Variants in TRIM71 observed in about 807,000 individuals in gnomAD.
TRIM71 encodes the protein E3 ubiquitin-protein ligase TRIM71.
TRIM71 carries 9 observed loss-of-function variants against 61.2 expected under a neutral mutation model. The observed-to-expected ratio is 0.15, with a 90% CI of 0.09 to 0.26. The LOEUF is 0.26. Among genes scored for constraint, TRIM71 ranks in the 10% least tolerant of loss-of-function variants. TRIM71 has a pLI of 1.00. For missense variants in TRIM71, 998 were observed against 1,238.7 expected, an observed-to-expected ratio of 0.81 and a Z score of 2.92; for synonymous variants, 645 against 553.2, an observed-to-expected ratio of 1.17 and a Z score of -2.33.
intron 1 of TRIM71, among the ~76,000 whole-genome samples, chr3:32,864,018 G>A (rs1696703212): frequency 6.6e-6 from 1 of 152,110 alleles, no homozygotes; most frequent in Non-Finnish European, 1.5e-5. Context: ...ATCCTGTTGT[G>A]TGTATGTACC....
chr3:32,876,811 C>G (rs986213506), intron 2 of TRIM71, among the ~76,000 whole-genome samples: 1 of 152,102 alleles, frequency 6.6e-6, no homozygotes, highest in Non-Finnish European at 1.5e-5. Context: ...ACCAACAAAT[C>G]ATGAGTGGTT....
At chr3:32,873,707 A>C (rs991189878) in intron 1 of TRIM71, 111 bp from the exon 2 acceptor site, 1 of 1,045,454 alleles carries the variant, frequency 9.6e-7, no homozygotes, top group Non-Finnish European at 1.3e-6. Context: ...GTGCTTGCTC[A>C]TTGGGGAAGC....
intron 1 of TRIM71, among the ~76,000 whole-genome samples, chr3:32,852,409 G>T (rs1226453354): frequency 6.6e-6 from 1 of 152,154 alleles, no homozygotes; most frequent in Non-Finnish European, 1.5e-5. Flanking sequence ...GCAAAACAGT[G>T]GTTCAAACAA....
chr3:32,879,256 C>T (rs1451600217), intron 2 of TRIM71, among the ~76,000 whole-genome samples: 1 of 152,208 alleles, frequency 6.6e-6, no homozygotes, highest in East Asian at 1.9e-4. Flanking sequence ...AAACTTTCTT[C>T]ATATCAGCAA....
intron 1 of TRIM71, among the ~76,000 whole-genome samples, chr3:32,840,274 A>G (rs1696389235): frequency 6.6e-6 from 1 of 151,412 alleles, no homozygotes; most frequent in African/African-American, 2.4e-5. Flanking sequence ...TCTGATTGGA[A>G]TCTCCCTAGA....
chr3:32,886,168 T>G, intron 3 of TRIM71, 100 bp downstream of exon 3: 1 of 1,397,420 alleles, frequency 7.2e-7, no homozygotes, highest in Non-Finnish European at 9.4e-7. Context: ...AGCCAAGCTC[T>G]AAGTTTAAAA....
At chr3:32,869,725 G>A (rs2125687778) in intron 1 of TRIM71, among the ~76,000 whole-genome samples, 1 of 152,296 alleles carries the variant, frequency 6.6e-6, no homozygotes, top group Admixed American at 6.5e-5. Context: ...CACATTCCTA[G>A]GTCTTTGTCT....
intron 1 of TRIM71, among the ~76,000 whole-genome samples, chr3:32,844,611 T>C (rs2125680011): frequency 6.6e-6 from 1 of 152,268 alleles, no homozygotes; most frequent in Non-Finnish European, 1.5e-5. Context: ...CCACCGAGCC[T>C]GGCCAATCAT....
chr3:32,821,224 A>G (rs916576475), intron 1 of TRIM71, among the ~76,000 whole-genome samples: 5 of 152,214 alleles, frequency 3.3e-5, no homozygotes, highest in South Asian at 2.1e-4. Flanking sequence ...ACTGACCCAT[A>G]TCTGGACTGC....
chr3:32,891,917 C>G lies in TRIM71; in HGVS notation c.*106C>G. ...TTGAATTTCAAAGAAGAAACAGTCT[C>G]AGGGAAATTTCTTTTTTCTTTTTTT... is the stretch of plus-strand genomic sequence containing the variant. On this transcript the variant is annotated 3_prime_UTR_variant, in exon 4 of 4. Transcript: ENST00000383763. The surrounding 1 kb of genome is among the most constrained non-coding windows in gnomAD (Gnocchi z 8.2). 1 of 1,452,380 alleles carries G rather than the reference C, an allele frequency of 6.9e-7. No homozygotes were observed. The highest frequency in any genetic ancestry group is 2.7e-5 in the Admixed American group (1 of 36,698). The allele number at this position is 1,452,380 out of a possible 1,614,324, so 90.0% of individuals were successfully genotyped here.
chr3:32,821,422 A>G (rs961114387), intron 1 of TRIM71, among the ~76,000 whole-genome samples: 1 of 152,012 alleles, frequency 6.6e-6, no homozygotes, highest in East Asian at 1.9e-4. Flanking sequence ...ACCCTACCCC[A>G]GCCTGCAGGG....
intron 1 of TRIM71, among the ~76,000 whole-genome samples, chr3:32,864,198 C>G (rs1045089796): frequency 2.6e-5 from 4 of 152,218 alleles, no homozygotes; most frequent in African/African-American, 9.6e-5. Flanking sequence ...CCCACCTCAG[C>G]CTTCTGAGTA....
chr3:32,890,320 A>G lies in TRIM71; in HGVS notation c.1156-40A>G, dbSNP rs759461726. On this transcript the variant is annotated intron_variant, in intron 3 of 3. Coordinates refer to ENST00000383763, the MANE Select transcript of TRIM71 (RefSeq NM_001039111.3). This position sits in a 1 kb window ranked among gnomAD's most constrained non-coding sequence, Gnocchi z 6.2. ...TGTGGTATTTTCTGTGCTTGGCTCT[A>G]AGCCTCTGTGTCTTTCTCCACTCTT... The G allele has an allele frequency of 1.5e-5, 23 of 1,584,544 alleles. No homozygotes were observed. In the South Asian group the frequency reaches 2.7e-4, roughly 18 times the overall value.
chr3:32,863,942 A>T (rs1696702189), intron 1 of TRIM71, among the ~76,000 whole-genome samples: 1 of 152,122 alleles, frequency 6.6e-6, no homozygotes, highest in Non-Finnish European at 1.5e-5. Context: ...TCGGCCTCTC[A>T]AAAGTGCTGG....
intron 1 of TRIM71, among the ~76,000 whole-genome samples, chr3:32,828,717 G>A (rs555302333): frequency 6.6e-6 from 1 of 152,118 alleles, no homozygotes; most frequent in East Asian, 1.9e-4. Flanking sequence ...CCAGGCTTGT[G>A]TCTGACCCTT....
At chr3:32,832,444 G>T (rs931622558) in intron 1 of TRIM71, among the ~76,000 whole-genome samples, 1 of 152,190 alleles carries the variant, frequency 6.6e-6, no homozygotes, top group Admixed American at 6.5e-5. Context: ...CTTCAGCCTG[G>T]GCAACAGAGT....
At chr3:32,832,716 A>C (rs911072086) in intron 1 of TRIM71, among the ~76,000 whole-genome samples, 1 of 152,168 alleles carries the variant, frequency 6.6e-6, no homozygotes, top group Non-Finnish European at 1.5e-5. Context: ...AGATTGTAAA[A>C]TTAGACCTTT....
At chr3:32,855,046 T>G (rs756556119) in intron 1 of TRIM71, among the ~76,000 whole-genome samples, 2 of 152,266 alleles carry the variant, frequency 1.3e-5, no homozygotes, top group Non-Finnish European at 2.9e-5. Flanking sequence ...TAATATTGGT[T>G]GTTGTTACTC....
intron 1 of TRIM71, among the ~76,000 whole-genome samples, chr3:32,842,290 T>A (rs1696415739): frequency 6.6e-6 from 1 of 152,214 alleles, no homozygotes; most frequent in Admixed American, 6.5e-5. Flanking sequence ...CAAACCATGG[T>A]CTCAATCCAG....
Sources: allele counts gnomAD v4.1 joint callset (sites outside exome capture counted in the v4.1 genomes callset), GRCh38; gene constraint gnomAD v4.1.1; non-coding constraint Gnocchi (gnomAD v3.1); transcripts MANE v1.5; gene names NCBI Gene and HGNC (gene_info 2026-07-23, HGNC 2026-07-21).